Variants in MDGA1 observed in about 807,000 individuals in gnomAD.
The protein encoded by MDGA1 is MAM domain-containing glycosylphosphatidylinositol anchor protein 1.
Under a neutral mutation model 101.5 loss-of-function variants are expected in MDGA1, and 54 were observed. The observed-to-expected ratio is 0.53, with a 90% CI of 0.43 to 0.67. MDGA1 has a LOEUF of 0.67. Among genes scored for constraint, MDGA1 ranks in the 30% least tolerant of loss-of-function variants. MDGA1 has a pLI of 0.00. For missense variants in MDGA1, 1,083 were observed against 1,323.8 expected, an observed-to-expected ratio of 0.82 and a Z score of 2.82; for synonymous variants, 533 against 558.3, an observed-to-expected ratio of 0.95 and a Z score of 0.64.
chr6:37,651,154 GCA>G (rs956854038), intron 7 of MDGA1, among the ~76,000 whole-genome samples: 118 of 152,218 alleles, frequency 7.8e-4, no homozygotes, highest in Non-Finnish European at 7.3e-5. Flanking sequence ...CTGCTCACCA[GCA>G]CAGTTTTACA....
Position 37,697,171 on chromosome 6 carries a change from C to T in MDGA1, c.-360G>A. Reference sequence around the variant, plus strand: ...GCCGGGGACCTCTCGGCGGCGGAGGCGGCGCTTCGATCCAACAGGCCACGG... The same window carrying T: ...GCCGGGGACCTCTCGGCGGCGGAGGTGGCGCTTCGATCCAACAGGCCACGG... On this transcript the variant is annotated 5_prime_UTR_variant, in exon 1 of 17. Transcript: ENST00000434837. 1 of 212,154 alleles carries T rather than the reference C, an allele frequency of 4.7e-6. No homozygotes were observed. The highest frequency in any genetic ancestry group is 9.2e-6 in the Non-Finnish European group (1 of 108,846). 13.1% of individuals were successfully genotyped at this position (212,154 alleles called of 1,614,324 possible). A position where few individuals can be genotyped will look rare whatever the true frequency, so the allele number is the denominator to read the frequency against.
In MDGA1 at chr6:37,650,329, G is replaced by A. The variant is rs1453955669; in HGVS notation, c.1389C>T (p.Cys463=). ...GCGGCCGCGGCTTGCCCCGCACCTC[G>A]CATTGCAGCTCGGCAGGCGATCCCT... ...VREGSPAELQ[C]EVRGKPRPPV... Residue 463 remains cysteine (C), a synonymous_variant, in exon 8 of 17, where the codon TGC becomes TGT. Transcript: ENST00000434837. 5 of 1,586,412 alleles carry A rather than the reference G, an allele frequency of 3.2e-6. No individual in the cohort carries two copies. The Admixed American group carries it at 5.2e-5, about 17-fold the overall frequency.
At chr6:37,640,592 C>T (rs1257969060) in intron 14 of MDGA1, among the ~76,000 whole-genome samples, 1 of 152,118 alleles carries the variant, frequency 6.6e-6, no homozygotes, top group Non-Finnish European at 1.5e-5. Flanking sequence ...ACTGGGATTA[C>T]AGGCGTGAGC....
chr6:37,681,621 T>C (rs529410538), intron 1 of MDGA1, among the ~76,000 whole-genome samples: 47 of 152,350 alleles, frequency 3.1e-4, no homozygotes, highest in African/African-American at 1.1e-3. Context: ...TGCCAGTGTA[T>C]ATTACATGCA....
At chr6:37,663,029 G>A (rs562259878) in intron 2 of MDGA1, among the ~76,000 whole-genome samples, 112 of 152,324 alleles carry the variant, frequency 7.4e-4, no homozygotes, top group African/African-American at 2.6e-3. Context: ...TCTCAAGGCC[G>A]AACCTACTAA....
intron 1 of MDGA1, among the ~76,000 whole-genome samples, chr6:37,664,600 T>TAC (rs61046567): frequency 0.062 from 7,372 of 118,002 alleles, 374 homozygotes; most frequent in East Asian, 0.17. Context: ...TCCCCCACAA[T>TAC]ACACACACAC....
At chr6:37,639,686 A>G (rs1472120250) in intron 14 of MDGA1, 1 of 152,114 alleles carries the variant, frequency 6.6e-6, no homozygotes, top group Non-Finnish European at 1.5e-5. Context: ...ACCCCATGTA[A>G]AATAGCTCTC....
rs1000812593 is a variant in MDGA1 at position 37,664,124 on chromosome 6, AG to A, written c.68-19del. ...GGCTGGAGCTGGCAGGAGAGGATGG[AG>A]GAGGAGGTTTAGAGAAGAGGTGCCA... On this transcript the variant is annotated intron_variant, in intron 1 of 16. Transcript: ENST00000434837. 1.2e-6 allele frequency: 2 copies of A among 1,613,398 alleles called. No homozygotes were observed. Among genetic ancestry groups the A allele is most frequent in the African/African-American group, 2.7e-5 (2 of 74,870 alleles).
At chr6:37,694,511 C>A (rs574262988) in intron 1 of MDGA1, among the ~76,000 whole-genome samples, 43 of 152,304 alleles carry the variant, frequency 2.8e-4, no homozygotes, top group African/African-American at 1.0e-3. Context: ...TTCTGCTTCG[C>A]GGGTACAGAA....
rs1762422875 is a variant in MDGA1 at position 37,696,537 on chromosome 6, C to T, written c.67+208G>A. Among the ~76,000 whole-genome samples, 1 of 152,196 alleles carries T rather than the reference C, an allele frequency of 6.6e-6. No homozygotes were observed. The highest frequency in any genetic ancestry group is 6.5e-5 in the Admixed American group (1 of 15,282). ...AAAGTGGGTGCCTCCTCCTGACATC[C>T]CGGCTTCCCACCAGACCCTACGACC... is the stretch of plus-strand genomic sequence containing the variant. On this transcript the variant is annotated intron_variant, in intron 1 of 16. Coordinates refer to ENST00000434837, the MANE Select transcript of MDGA1 (RefSeq NM_153487.4). This position sits in a 1 kb window ranked among gnomAD's most constrained non-coding sequence, Gnocchi z 5.6.
intron 2 of MDGA1, among the ~76,000 whole-genome samples, chr6:37,659,068 T>G (rs2114041066): frequency 6.6e-6 from 1 of 151,468 alleles, no homozygotes; most frequent in East Asian, 1.9e-4. Flanking sequence ...GGGGCTCACT[T>G]GGGGAGGAAT....
chr6:37,661,054 A>G (rs1761612476), intron 2 of MDGA1, among the ~76,000 whole-genome samples: 1 of 152,222 alleles, frequency 6.6e-6, no homozygotes, highest in African/African-American at 2.4e-5. Flanking sequence ...CACACCCTGA[A>G]GGACAGTCTG....
At chr6:37,683,436 C>G (rs1456632911) in intron 1 of MDGA1, among the ~76,000 whole-genome samples, 1 of 152,220 alleles carries the variant, frequency 6.6e-6, no homozygotes, top group Non-Finnish European at 1.5e-5. Context: ...GTAATACAGA[C>G]TGTTGCTGCC....
chr6:37,652,183 CATGCG>C lies in MDGA1; in HGVS notation c.1135_1139del (p.Arg379ValfsTer10). On this transcript the variant is annotated frameshift_variant, in exon 7 of 17. Transcript: ENST00000434837. LOFTEE classifies it high-confidence loss of function. The surrounding 1 kb of genome is among the most constrained non-coding windows in gnomAD (Gnocchi z 4.3). ...TGCGGGTCACCAGCAGCCGCTTGGA[CATGCG>C]TGCCGGCTTGCCATTCTTGAACCAC... is the stretch of plus-strand genomic sequence containing the variant. 6.2e-7 allele frequency: 1 copy of C among 1,614,048 alleles called. No individual in the cohort carries two copies.
intron 7 of MDGA1, among the ~76,000 whole-genome samples, chr6:37,651,279 A>T (rs1561845352): frequency 6.6e-6 from 1 of 152,214 alleles, no homozygotes; most frequent in Admixed American, 6.5e-5. Flanking sequence ...AACCCAACAC[A>T]TTGCCCAATC....
chr6:37,685,950 A>T (rs540367194), intron 1 of MDGA1, among the ~76,000 whole-genome samples: 1 of 152,136 alleles, frequency 6.6e-6, no homozygotes, highest in African/African-American at 2.4e-5. Context: ...ATTCACATTC[A>T]TCTAAATCCC....
rs1490148045 is a variant in MDGA1, at chr6:37,685,802, C to T, written c.67+10943G>A. ...CAAGTCATCCCCCTCCTCTAGGTCG[C>T]TGTCTTTCCTCAGGTCTCTTCTGGG... On this transcript the variant is annotated intron_variant, in intron 1 of 16. Coordinates refer to ENST00000434837, the MANE Select transcript of MDGA1 (RefSeq NM_153487.4). Among the ~76,000 whole-genome samples, 3 of 152,284 alleles carry T rather than the reference C, an allele frequency of 2.0e-5. No individual in the cohort carries two copies. In the East Asian group the frequency reaches 5.8e-4, roughly 29 times the overall value.
At chr6:37,686,940 C>A (rs1171244692) in intron 1 of MDGA1, among the ~76,000 whole-genome samples, 1 of 152,182 alleles carries the variant, frequency 6.6e-6, no homozygotes, top group East Asian at 1.9e-4. Flanking sequence ...CTTGGGCCAA[C>A]CCATCTGCCA....
rs1404776465 is a variant in MDGA1 at position 37,697,746 on chromosome 6, C to T, written c.-935G>A. The T allele has an allele frequency of 6.7e-6, 1 of 149,612 alleles. No individual in the cohort carries two copies. Among genetic ancestry groups the T allele is most frequent in the Non-Finnish European group, 1.5e-5 (1 of 67,220 alleles). 9.3% of individuals were successfully genotyped at this position (149,612 alleles called of 1,614,324 possible). A position where few individuals can be genotyped will look rare whatever the true frequency, so the allele number is the denominator to read the frequency against. On this transcript the variant is annotated 5_prime_UTR_variant, in exon 1 of 17. Transcript: ENST00000434837. ...GGGCTACGCCGCGCCCCAAGTTGGT[C>T]GTCCCCGCCCCCGCCCGGCGGCCTT...
Sources: gnomAD v4.1 joint callset for allele counts (sites outside exome capture counted in the v4.1 genomes callset) on GRCh38, gnomAD v4.1.1 for gene constraint, Gnocchi (gnomAD v3.1) non-coding constraint, MANE v1.5 for transcripts, NCBI Gene and HGNC (gene_info 2026-07-23, HGNC 2026-07-21) for gene names.